MACROD2: variants seen among roughly 807,000 people sequenced by gnomAD.
The protein encoded by MACROD2 is ADP-ribose glycohydrolase MACROD2.
A neutral mutation model predicts 70.4 loss-of-function variants in MACROD2; 36 were observed. The observed-to-expected ratio is 0.51, with a 90% CI of 0.39 to 0.68. The LOEUF (loss-of-function observed/expected upper bound fraction) is 0.68, where lower values mean the gene tolerates loss of function less well. MACROD2 is among the 30% of genes least tolerant of loss of function. MACROD2 has a pLI of 0.00. For synonymous variants in MACROD2, 172 were observed against 178.8 expected, an observed-to-expected ratio of 0.96 and a Z score of 0.30; for missense variants, 496 against 538.4, an observed-to-expected ratio of 0.92 and a Z score of 0.78.
chr20:14,339,050 A>T (rs572683842), intron 3 of MACROD2, among the ~76,000 whole-genome samples: 36 of 152,188 alleles, frequency 2.4e-4, no homozygotes, highest in Middle Eastern at 6.3e-3. Flanking sequence ...TTTATTTCTG[A>T]AGAAGGCCAG....
chr20:14,386,294 T>C (rs1388876343), intron 3 of MACROD2, among the ~76,000 whole-genome samples: 1 of 152,208 alleles, frequency 6.6e-6, no homozygotes, highest in Non-Finnish European at 1.5e-5. Flanking sequence ...AATTCATGGT[T>C]TTCTAAAATA....
At chr20:15,092,280 AAAT>A (rs2075798231) in intron 5 of MACROD2, among the ~76,000 whole-genome samples, 1 of 151,710 alleles carries the variant, frequency 6.6e-6, no homozygotes, top group Admixed American at 6.6e-5. Flanking sequence ...TTAACAATAA[AAAT>A]TTATGCACAA....
At chr20:15,773,765 T>TA (rs1466004030) in intron 8 of MACROD2, among the ~76,000 whole-genome samples, 1 of 152,062 alleles carries the variant, frequency 6.6e-6, no homozygotes, top group African/African-American at 2.4e-5. Context: ...CCTCAAATGA[T>TA]AAAAAATACA....
intron 5 of MACROD2, among the ~76,000 whole-genome samples, chr20:14,915,507 C>T (rs777246997): frequency 6.6e-6 from 1 of 152,176 alleles, no homozygotes; most frequent in Non-Finnish European, 1.5e-5. Flanking sequence ...CTTGTTATTT[C>T]GTGGTCCTGT....
In MACROD2 at chr20:15,472,662, C is replaced by G. The variant is rs149977714; in HGVS notation, c.572-27112C>G. Among the ~76,000 whole-genome samples, 562 of 152,162 alleles carry G rather than the reference C, an allele frequency of 3.7e-3. 4 individuals are homozygous for G. Among genetic ancestry groups the G allele is most frequent in the African/African-American group, 0.012 (517 of 41,530 alleles). On this transcript the variant is annotated intron_variant, in intron 7 of 17. Coordinates refer to ENST00000684519, the MANE Select transcript of MACROD2 (RefSeq NM_001351661.2). ...TTCTCTCCACATCTGTTGAATATTT[C>G]CCACCTTTTCCCCTCTTGCTATCAT...
chr20:14,044,610 C>T (rs1484364464), intron 2 of MACROD2, among the ~76,000 whole-genome samples: 1 of 152,132 alleles, frequency 6.6e-6, no homozygotes, highest in African/African-American at 2.4e-5. Flanking sequence ...AAAAGTTCTC[C>T]ACGTCCCCAC....
At chr20:14,372,556 G>A (rs942554654) in intron 3 of MACROD2, among the ~76,000 whole-genome samples, 11 of 151,908 alleles carry the variant, frequency 7.2e-5, no homozygotes, top group Non-Finnish European at 8.8e-5. Context: ...AAAAATGATC[G>A]TATTCTAAAT....
chr20:14,369,294 G>GTT (rs5840612), intron 3 of MACROD2, among the ~76,000 whole-genome samples: 2 of 151,800 alleles, frequency 1.3e-5, no homozygotes, highest in African/African-American at 2.4e-5. Flanking sequence ...AGCAAATGTA[G>GTT]TTTTTTGCGA....
At chr20:15,981,361 T>TA (rs1233372341) in intron 13 of MACROD2, among the ~76,000 whole-genome samples, 2 of 152,358 alleles carry the variant, frequency 1.3e-5, no homozygotes, top group East Asian at 3.9e-4. Flanking sequence ...TAAGTCATCT[T>TA]ACAGAATGAG....
At chr20:15,468,381 C>G (rs192795300) in intron 7 of MACROD2, among the ~76,000 whole-genome samples, 2 of 152,116 alleles carry the variant, frequency 1.3e-5, no homozygotes, top group Non-Finnish European at 2.9e-5. Context: ...TAACTACAAA[C>G]GAAACCAATA....
intron 5 of MACROD2, among the ~76,000 whole-genome samples, chr20:14,920,803 G>A (rs1262879919): frequency 6.6e-6 from 1 of 152,168 alleles, no homozygotes; most frequent in Non-Finnish European, 1.5e-5. Flanking sequence ...GAAGGGTTAT[G>A]TGTAACTGGA....
chr20:15,133,579 T>G (rs1367325349), intron 5 of MACROD2, among the ~76,000 whole-genome samples: 1 of 152,144 alleles, frequency 6.6e-6, no homozygotes, highest in Non-Finnish European at 1.5e-5. Flanking sequence ...TAAAATATGG[T>G]GAACTATCTT....
At chr20:14,701,041 G>A (rs1377795896) in intron 5 of MACROD2, among the ~76,000 whole-genome samples, 1 of 152,072 alleles carries the variant, frequency 6.6e-6, no homozygotes, top group Non-Finnish European at 1.5e-5. Flanking sequence ...CATAAGGCCT[G>A]CAGCTTAACA....
chr20:15,037,894 T>C (rs918293513), intron 5 of MACROD2, among the ~76,000 whole-genome samples: 4 of 152,048 alleles, frequency 2.6e-5, no homozygotes, highest in Non-Finnish European at 4.4e-5. Flanking sequence ...TAGTAAATAA[T>C]AATTTATTGT....
At chr20:14,020,201 G>C (rs762943438) in intron 2 of MACROD2, among the ~76,000 whole-genome samples, 1 of 152,130 alleles carries the variant, frequency 6.6e-6, no homozygotes, top group Admixed American at 6.5e-5. Flanking sequence ...AGCCGGGCGC[G>C]GTGGCTCATG....
chr20:14,045,087 C>G (rs543226986), intron 2 of MACROD2, among the ~76,000 whole-genome samples: 3 of 152,230 alleles, frequency 2.0e-5, no homozygotes, highest in African/African-American at 4.8e-5. Flanking sequence ...GTGCGGGGCC[C>G]GAGGAGCCCA....
chr20:14,084,804 G>A (rs1397203023), intron 2 of MACROD2, among the ~76,000 whole-genome samples: 2 of 151,716 alleles, frequency 1.3e-5, no homozygotes, highest in Admixed American at 1.3e-4. Flanking sequence ...TTTCCTATCC[G>A]GAGTAATAGT....
chr20:14,200,192 C>G (rs918925017), intron 3 of MACROD2, among the ~76,000 whole-genome samples: 1 of 152,158 alleles, frequency 6.6e-6, no homozygotes, highest in African/African-American at 2.4e-5. Flanking sequence ...GAATACTATG[C>G]AGCCATAATA....
At chr20:15,889,005 C>A (rs6043597) in intron 10 of MACROD2, among the ~76,000 whole-genome samples, 2 of 151,996 alleles carry the variant, frequency 1.3e-5, no homozygotes, top group Non-Finnish European at 2.9e-5. Flanking sequence ...CAAATGCAAC[C>A]GACACTAATG....
Sources: gnomAD v4.1 joint callset for allele counts (sites outside exome capture counted in the v4.1 genomes callset) on GRCh38, gnomAD v4.1.1 for gene constraint, MANE v1.5 for transcripts, NCBI Gene and HGNC (gene_info 2026-07-23, HGNC 2026-07-21) for gene names.